The following XRN2 variants were observed in gnomAD, a reference collection of about 807,000 sequenced individuals.
The protein encoded by XRN2 is 5'-3' exoribonuclease 2.
In XRN2, 44 loss-of-function variants were observed where a neutral mutation model predicts 138.5. The ratio of observed to expected loss-of-function variants is 0.32; its 90% CI spans 0.25 to 0.41. The LOEUF (loss-of-function observed/expected upper bound fraction) is 0.41. XRN2 is among the 10% of genes least tolerant of loss of function. XRN2 has a pLI of 1.00. For missense variants in XRN2, 937 were observed against 1,169.3 expected (o/e 0.80, Z 2.90); for synonymous variants, 354 against 369.4 (o/e 0.96, Z 0.48).
At chr20:21,347,190 A>G (rs1470652696) in intron 17 of XRN2, among the ~76,000 whole-genome samples, 1 of 152,248 alleles carries the variant, frequency 6.6e-6, no homozygotes, top group African/African-American at 2.4e-5. Context: ...ATGAATTGAC[A>G]GTCACTGAAT....
intron 15 of XRN2, among the ~76,000 whole-genome samples, chr20:21,342,642 T>C (rs2038386864): frequency 6.6e-6 from 1 of 152,198 alleles, no homozygotes; most frequent in African/African-American, 2.4e-5. Flanking sequence ...GAAAAAACAA[T>C]AGTGATTACT....
chr20:21,335,596 GA>G (rs2122222452), intron 13 of XRN2, among the ~76,000 whole-genome samples: 1 of 152,296 alleles, frequency 6.6e-6, no homozygotes, highest in African/African-American at 2.4e-5. Context: ...TTTGCATATA[GA>G]ATTCAAATTA....
At chr20:21,365,906 AAT>A (rs1182485623) in intron 26 of XRN2, among the ~76,000 whole-genome samples, 9 of 85,860 alleles carry the variant, frequency 1.0e-4, no homozygotes, top group East Asian at 2.6e-4. Context: ...TTATATATAT[AAT>A]ATATATAATA....
At chr20:21,363,160 A>G (rs554684098) in intron 24 of XRN2, among the ~76,000 whole-genome samples, 1 of 152,318 alleles carries the variant, frequency 6.6e-6, no homozygotes, top group African/African-American at 2.4e-5. Flanking sequence ...TGGAAGGTGT[A>G]TACACACACA....
chr20:21,314,725 T>G (rs571543653), intron 1 of XRN2, among the ~76,000 whole-genome samples: 14 of 152,106 alleles, frequency 9.2e-5, no homozygotes, highest in Non-Finnish European at 2.1e-4. Context: ...CCCAAGTGAT[T>G]GCACTATTTT....
At chr20:21,338,403 C>G (rs535979224) in intron 13 of XRN2, among the ~76,000 whole-genome samples, 2 of 152,188 alleles carry the variant, frequency 1.3e-5, no homozygotes, top group African/African-American at 2.4e-5. Context: ...GCTGGACCCT[C>G]TCCTGTGAAT....
At chr20:21,385,601 G>C (rs1342596647) in intron 28 of XRN2, among the ~76,000 whole-genome samples, 1 of 152,148 alleles carries the variant, frequency 6.6e-6, no homozygotes, top group Non-Finnish European at 1.5e-5. Context: ...CCTTTCTAGA[G>C]TTCTTTAGAG....
chr20:21,341,624 C>G (rs191684055), intron 15 of XRN2, among the ~76,000 whole-genome samples: 1 of 152,094 alleles, frequency 6.6e-6, no homozygotes, highest in Non-Finnish European at 1.5e-5. Context: ...GGGAACAGAC[C>G]CTGATCTAAC....
chr20:21,356,949 C>T (rs1014285309), intron 23 of XRN2, among the ~76,000 whole-genome samples: 2 of 152,126 alleles, frequency 1.3e-5, no homozygotes, highest in African/African-American at 4.8e-5. Flanking sequence ...GCTTTTCTTA[C>T]ACTTTCTCTC....
chr20:21,333,357 C>G lies in XRN2; in HGVS notation c.859-187C>G, dbSNP rs62217927. ...CCTTTGCAGAAAATGTTTGCTGACC[C>G]CTGATCTAGACGTGGTTGATTTTAT... On this transcript the variant is annotated intron_variant, in intron 9 of 29. Coordinates refer to ENST00000377191, the MANE Select transcript of XRN2 (RefSeq NM_012255.5). Among the ~76,000 whole-genome samples, 250 of 152,198 alleles carry G rather than the reference C, an allele frequency of 1.6e-3. 1 individual carries two copies. The highest frequency in any genetic ancestry group is 7.3e-3 in the Admixed American group (111 of 15,296).
At chr20:21,359,258 G>A (rs181831849) in intron 24 of XRN2, among the ~76,000 whole-genome samples, 2 of 152,080 alleles carry the variant, frequency 1.3e-5, no homozygotes, top group East Asian at 3.9e-4. Context: ...CAGGCCGGGC[G>A]CGGTGGCTCA....
At chr20:21,357,391 C>A (rs1272096526) in intron 23 of XRN2, among the ~76,000 whole-genome samples, 1 of 152,078 alleles carries the variant, frequency 6.6e-6, no homozygotes, top group East Asian at 1.9e-4. Context: ...GTGTTGTAAT[C>A]CCAGTGGCAG....
chr20:21,349,613 T>A, intron 20 of XRN2, 152 bp downstream of exon 20: 2 of 652,230 alleles, frequency 3.1e-6, no homozygotes, highest in Non-Finnish European at 5.2e-6. Context: ...CGTGGTGGCT[T>A]GCACCTGTAG....
intron 1 of XRN2, among the ~76,000 whole-genome samples, chr20:21,320,178 T>G (rs2122184343): frequency 6.6e-6 from 1 of 152,306 alleles, no homozygotes; most frequent in African/African-American, 2.4e-5. Context: ...GGACTGAGAA[T>G]TCTTGGTTGA....
chr20:21,320,079 T>C (rs1431443347), intron 1 of XRN2, among the ~76,000 whole-genome samples: 3 of 152,162 alleles, frequency 2.0e-5, no homozygotes, highest in Non-Finnish European at 4.4e-5. Context: ...TTAGTAGTTT[T>C]TGACAGTGTG....
intron 4 of XRN2, among the ~76,000 whole-genome samples, chr20:21,329,856 G>GGTGTGTGTGTGTGTGTGT (rs60020864): frequency 6.9e-6 from 1 of 145,912 alleles, no homozygotes; most frequent in African/African-American, 2.5e-5. Flanking sequence ...GCCTCTAACT[G>GGTGTGTGTGTGTGTGTGT]GTGTGTGTGT....
chr20:21,384,086 T>C (rs1362341261), intron 28 of XRN2, among the ~76,000 whole-genome samples: 1 of 152,214 alleles, frequency 6.6e-6, no homozygotes, highest in Non-Finnish European at 1.5e-5. Context: ...AATAATTTCC[T>C]ACTTTAAGAT....
intron 1 of XRN2, among the ~76,000 whole-genome samples, chr20:21,320,279 G>GTATTTATGTATTTATT (rs2038019985): frequency 2.3e-5 from 2 of 88,628 alleles, no homozygotes; most frequent in African/African-American, 3.8e-5. Context: ...ATTTATTTAT[G>GTATTTATGTATTTATT]TATTTATTTA....
chr20:21,350,702 C>T (rs1433637819), intron 20 of XRN2, among the ~76,000 whole-genome samples: 9 of 151,834 alleles, frequency 5.9e-5, no homozygotes, highest in Non-Finnish European at 2.9e-5. Context: ...TTATTGTTCT[C>T]TGTGGTTGGA....
Sources: allele counts gnomAD v4.1 joint callset (sites outside exome capture counted in the v4.1 genomes callset), GRCh38; gene constraint gnomAD v4.1.1; transcripts MANE v1.5; gene names NCBI Gene and HGNC (gene_info 2026-07-23, HGNC 2026-07-21).